ENTHD1: variants seen among roughly 807,000 people sequenced by gnomAD.
ENTHD1 encodes the protein ENTH domain containing 1, also known as ENTH domain-containing protein 1.
Under a neutral mutation model 39.1 loss-of-function variants are expected in ENTHD1, and 23 were observed. The ratio of observed to expected loss-of-function variants is 0.59; its 90% CI spans 0.42 to 0.83. The LOEUF (loss-of-function observed/expected upper bound fraction) is 0.83, where lower values mean the gene tolerates loss of function less well. Among genes scored for constraint, ENTHD1 ranks in the 40% least tolerant of loss-of-function variants. The pLI is 0.00. For missense variants in ENTHD1, 624 were observed against 705.4 expected (o/e 0.88, Z 1.31); for synonymous variants, 230 against 258.2 (o/e 0.89, Z 1.05).
At chr22:39,819,182 C>T (rs889769986) in intron 5 of ENTHD1, among the ~76,000 whole-genome samples, 15 of 151,864 alleles carry the variant, frequency 9.9e-5, no homozygotes, top group Admixed American at 2.6e-4. Flanking sequence ...CTGGCTAACA[C>T]GGTGAAACCC....
intron 5 of ENTHD1, among the ~76,000 whole-genome samples, chr22:39,774,449 C>T (rs2065351547): frequency 6.6e-6 from 1 of 152,096 alleles, no homozygotes; most frequent in African/African-American, 2.4e-5. Flanking sequence ...TCTTATCATC[C>T]TCCAGCCTCC....
At chr22:39,888,741 T>A (rs2066404127) in intron 1 of ENTHD1, among the ~76,000 whole-genome samples, 1 of 152,154 alleles carries the variant, frequency 6.6e-6, no homozygotes, top group Admixed American at 6.5e-5. Flanking sequence ...GGCTAATTTT[T>A]AAATATTGTG....
chr22:39,864,616 C>T (rs960638325), intron 2 of ENTHD1, among the ~76,000 whole-genome samples: 4 of 152,166 alleles, frequency 2.6e-5, no homozygotes, highest in African/African-American at 9.7e-5. Context: ...GCAAGAGTGA[C>T]TGGCACACAG....
chr22:39,828,821 C>G (rs1047362342), intron 4 of ENTHD1, among the ~76,000 whole-genome samples: 2 of 152,142 alleles, frequency 1.3e-5, no homozygotes, highest in South Asian at 4.1e-4. Flanking sequence ...GAAAACAGAT[C>G]ATGTCAGTCA....
At chr22:39,884,999 G>C (rs1409669233) in intron 2 of ENTHD1, among the ~76,000 whole-genome samples, 1 of 152,146 alleles carries the variant, frequency 6.6e-6, no homozygotes, top group Admixed American at 6.5e-5. Context: ...GGGAAAAATA[G>C]ATACATTGCA....
chr22:39,877,383 A>G (rs150316232), intron 2 of ENTHD1, among the ~76,000 whole-genome samples: 25 of 152,354 alleles, frequency 1.6e-4, no homozygotes, highest in African/African-American at 5.5e-4. Flanking sequence ...CCATCCTAAC[A>G]AGTAAAAAGC....
intron 3 of ENTHD1, among the ~76,000 whole-genome samples, chr22:39,836,649 G>T (rs1442652264): frequency 6.6e-6 from 1 of 152,102 alleles, no homozygotes; most frequent in African/African-American, 2.4e-5. Flanking sequence ...CCTGTGATAT[G>T]GTTTGGATTT....
chr22:39,772,366 C>T (rs1419084100), intron 5 of ENTHD1, among the ~76,000 whole-genome samples: 5 of 152,006 alleles, frequency 3.3e-5, no homozygotes, highest in Admixed American at 6.6e-5. Context: ...GGTACCAGTC[C>T]GTGGCCCAGG....
chr22:39,761,858 G>A (rs2065235860), intron 6 of ENTHD1, among the ~76,000 whole-genome samples: 1 of 152,004 alleles, frequency 6.6e-6, no homozygotes. Context: ...AAATGGATTT[G>A]TAATAGCTGC....
chr22:39,874,711 G>A lies in ENTHD1; in HGVS notation c.349+12689C>T, dbSNP rs114898288. On this transcript the variant is annotated intron_variant, in intron 2 of 6. Transcript: ENST00000325157. The stretch of plus-strand genomic sequence containing the variant: ...AATGTTAAAAATAGGCAAAATATTT[G>A]AGCAGGCAATACTTGAACAGGCAAA... Among the ~76,000 whole-genome samples, 270 of 152,248 alleles carry A rather than the reference G, an allele frequency of 1.8e-3. 2 individuals carry two copies. Among genetic ancestry groups the A allele is most frequent in the African/African-American group, 6.2e-3 (259 of 41,538 alleles).
In ENTHD1 at chr22:39,805,603, C is replaced by G. The variant is rs553692794; in HGVS notation, c.832+15390G>C. On this transcript the variant is annotated intron_variant, in intron 5 of 6. Coordinates refer to ENST00000325157, the MANE Select transcript of ENTHD1 (RefSeq NM_152512.4). Reference sequence around the variant, plus strand: ...TAGCAGAAGTCAGTGTGAAGAGATGCCCAACAACCCACGGACCAGATATTT... The same window carrying G: ...TAGCAGAAGTCAGTGTGAAGAGATGGCCAACAACCCACGGACCAGATATTT... Among the ~76,000 whole-genome samples, 3 of 152,196 alleles carry G rather than the reference C, an allele frequency of 2.0e-5. No individual in the cohort carries two copies. In the South Asian group the frequency reaches 6.3e-4, roughly 32 times the overall value.
chr22:39,859,471 A>G (rs2066122018), intron 3 of ENTHD1, among the ~76,000 whole-genome samples: 2 of 152,240 alleles, frequency 1.3e-5, no homozygotes, highest in Admixed American at 1.3e-4. Flanking sequence ...AATTAAAGTG[A>G]GAAACCTGCG....
At chr22:39,828,048 T>C (rs2065839679) in intron 4 of ENTHD1, among the ~76,000 whole-genome samples, 1 of 152,224 alleles carries the variant, frequency 6.6e-6, no homozygotes. Context: ...CATTGAATGA[T>C]TACATTTATT....
chr22:39,842,119 T>A (rs1569163315), intron 3 of ENTHD1, among the ~76,000 whole-genome samples: 1 of 151,740 alleles, frequency 6.6e-6, no homozygotes, highest in Non-Finnish European at 1.5e-5. Flanking sequence ...GTTAGTCTGA[T>A]GGGCTTCCCT....
At chr22:39,762,202 G>C (rs1450940746) in intron 6 of ENTHD1, among the ~76,000 whole-genome samples, 1 of 152,102 alleles carries the variant, frequency 6.6e-6, no homozygotes, top group Non-Finnish European at 1.5e-5. Flanking sequence ...TATACGTATA[G>C]TTTAGTGGTC....
At chr22:39,863,811 G>T (rs1320811637) in intron 2 of ENTHD1, among the ~76,000 whole-genome samples, 2 of 152,180 alleles carry the variant, frequency 1.3e-5, no homozygotes, top group African/African-American at 4.8e-5. Context: ...CAAATTTGGG[G>T]TATATTTAGA....
intron 3 of ENTHD1, among the ~76,000 whole-genome samples, chr22:39,848,939 C>A (rs552983604): frequency 2.6e-5 from 4 of 151,950 alleles, no homozygotes; most frequent in Non-Finnish European, 5.9e-5. Flanking sequence ...AAAAATTATC[C>A]GAGTATTATT....
chr22:39,875,373 C>T, intron 2 of ENTHD1: 1 of 1,406,542 alleles, frequency 7.1e-7, no homozygotes, highest in Non-Finnish European at 9.2e-7. Flanking sequence ...GCGCTGCGGC[C>T]CTTGGTGCAG....
At chr22:39,814,326 G>T (rs1642373551) in intron 5 of ENTHD1, among the ~76,000 whole-genome samples, 1 of 140,456 alleles carries the variant, frequency 7.1e-6, no homozygotes, top group African/African-American at 2.7e-5. Context: ...CAGGTGTGGT[G>T]GTGTGAGCCT....
Sources: gnomAD v4.1 joint callset for allele counts (sites outside exome capture counted in the v4.1 genomes callset) on GRCh38, gnomAD v4.1.1 for gene constraint, MANE v1.5 for transcripts, NCBI Gene and HGNC (gene_info 2026-07-23, HGNC 2026-07-21) for gene names.